The following STAG1 variants were observed in gnomAD, a reference collection of about 807,000 sequenced individuals.
STAG1 encodes the protein cohesin subunit SA-1.
STAG1 carries 26 observed loss-of-function variants against 170.9 expected under a neutral mutation model. That is an observed-to-expected ratio of 0.15 (90% CI 0.11 to 0.21). STAG1 has a LOEUF of 0.21. Among genes scored for constraint, STAG1 ranks in the 10% least tolerant of loss-of-function variants. STAG1 has a pLI of 1.00. For synonymous variants in STAG1, 514 were observed against 497.7 expected, an observed-to-expected ratio of 1.03 and a Z score of -0.44; for missense variants, 964 against 1,509.5, an observed-to-expected ratio of 0.64 and a Z score of 5.99.
intron 9 of STAG1, among the ~76,000 whole-genome samples, chr3:136,495,784 C>A (rs1318205571): frequency 6.6e-6 from 1 of 151,050 alleles, no homozygotes; most frequent in Admixed American, 6.6e-5. Flanking sequence ...CTGGATAACA[C>A]GGTGAAACCC....
intron 22 of STAG1, among the ~76,000 whole-genome samples, chr3:136,393,768 G>A (rs1044936430): frequency 4.0e-5 from 6 of 151,896 alleles, no homozygotes; most frequent in African/African-American, 7.3e-5. Flanking sequence ...GCTAATTTTT[G>A]TATTTTTAGT....
intron 15 of STAG1, among the ~76,000 whole-genome samples, chr3:136,442,542 G>C (rs2088662100): frequency 6.6e-6 from 1 of 152,010 alleles, no homozygotes; most frequent in African/African-American, 2.4e-5. Flanking sequence ...TGAGTAGCTA[G>C]GTAAATGACT....
intron 1 of STAG1, among the ~76,000 whole-genome samples, chr3:136,675,392 C>G (rs973120966): frequency 6.6e-6 from 1 of 152,126 alleles, no homozygotes; most frequent in African/African-American, 2.4e-5. Flanking sequence ...GATACCACCA[C>G]GCCAGTGAAT....
At chr3:136,544,975 G>A (rs560139144) in intron 5 of STAG1, among the ~76,000 whole-genome samples, 1 of 152,228 alleles carries the variant, frequency 6.6e-6, no homozygotes, top group Non-Finnish European at 1.5e-5. Context: ...TAAATAAAAT[G>A]TAATCTAGTT....
chr3:136,604,244 T>G (rs969245105), intron 4 of STAG1, 65 bp downstream of exon 4: 4 of 1,466,324 alleles, frequency 2.7e-6, no homozygotes, highest in Middle Eastern at 1.8e-4. Flanking sequence ...ATATACACAC[T>G]AACTGATTCC....
At chr3:136,431,413 C>T (rs1489082205) in intron 16 of STAG1, among the ~76,000 whole-genome samples, 1 of 152,022 alleles carries the variant, frequency 6.6e-6, no homozygotes, top group African/African-American at 2.4e-5. Flanking sequence ...GCTGGGACTA[C>T]AAGCGTATGC....
intron 1 of STAG1, among the ~76,000 whole-genome samples, chr3:136,694,384 G>A (rs145843405): frequency 1.7e-3 from 253 of 152,150 alleles, no homozygotes; most frequent in African/African-American, 6.0e-3. Flanking sequence ...GGAAGGCTGA[G>A]GCAGAAGGAT....
At position 136,467,912 on chromosome 3, in the gene STAG1, G is replaced by A. The variant is rs374885948; in HGVS notation, c.1206-2924C>T. Among the ~76,000 whole-genome samples the A allele has an allele frequency of 6.6e-5, 10 of 152,252 alleles. No individual in the cohort carries two copies. The South Asian group carries it at 1.5e-3, about 22-fold the overall frequency. ...AACAACCTGCTCCTGAATGACTAAT[G>A]GGTACATAACGAAATGAAGGCAGTA... On this transcript the variant is annotated intron_variant, in intron 12 of 33. Transcript: ENST00000383202.
intron 1 of STAG1, among the ~76,000 whole-genome samples, chr3:136,718,685 G>T (rs1459656161): frequency 6.6e-6 from 1 of 152,168 alleles, no homozygotes; most frequent in Non-Finnish European, 1.5e-5. Flanking sequence ...AGCACTTTGG[G>T]AGGCCAAGGT....
At position 136,478,678 on chromosome 3, in the gene STAG1, T is replaced by A. The variant is rs72989413; in HGVS notation, c.903-1266A>T. On this transcript the variant is annotated intron_variant, in intron 9 of 33. Coordinates refer to ENST00000383202, the MANE Select transcript of STAG1 (RefSeq NM_005862.3). ...TCCTTGCTCTAATAAGTCTCAGTTC[T>A]CTCTAGGCTCCTGTCATTGCTTAAG... Among the ~76,000 whole-genome samples the A allele has an allele frequency of 7.9e-3, 1,202 of 152,286 alleles. 13 individuals carry two copies. The highest frequency in any genetic ancestry group is 0.028 in the African/African-American group (1,149 of 41,566).
intron 29 of STAG1, among the ~76,000 whole-genome samples, 187 bp from the exon 30 acceptor site, chr3:136,344,193 A>G (rs937713209): frequency 4.6e-5 from 7 of 152,212 alleles, no homozygotes; most frequent in Non-Finnish European, 8.8e-5. Flanking sequence ...TCTCATACAT[A>G]CAATGGGGAT....
chr3:136,435,410 T>C (rs1040950020), intron 15 of STAG1, among the ~76,000 whole-genome samples: 1 of 152,186 alleles, frequency 6.6e-6, no homozygotes, highest in Non-Finnish European at 1.5e-5. Context: ...CCAGAGTCAG[T>C]TCTCTTAAGC....
intron 1 of STAG1, among the ~76,000 whole-genome samples, chr3:136,734,401 C>T (rs945149922): frequency 1.3e-5 from 2 of 152,154 alleles, no homozygotes; most frequent in African/African-American, 4.8e-5. Context: ...AAACTACCAC[C>T]TGGACCTTTA....
chr3:136,555,701 ATCAG>A (rs777714326), intron 5 of STAG1, among the ~76,000 whole-genome samples: 197 of 151,722 alleles, frequency 1.3e-3, no homozygotes, highest in African/African-American at 2.9e-3. Context: ...CAATCAATCA[ATCAG>A]TCAATCAATC....
At chr3:136,420,855 A>G (rs1387385026) in intron 20 of STAG1, among the ~76,000 whole-genome samples, 1 of 151,714 alleles carries the variant, frequency 6.6e-6, no homozygotes, top group East Asian at 1.9e-4. Context: ...GCTCACGACA[A>G]CCCCCACCTC....
intron 9 of STAG1, among the ~76,000 whole-genome samples, chr3:136,479,314 G>A (rs1207966024): frequency 7.7e-6 from 1 of 130,122 alleles, no homozygotes; most frequent in African/African-American, 2.8e-5. Context: ...ACCTATGAGT[G>A]AGAATATGCG....
chr3:136,377,779 C>A (rs773410567), intron 22 of STAG1, 27 bp from the exon 23 acceptor site: 1 of 1,580,894 alleles, frequency 6.3e-7, no homozygotes, highest in Non-Finnish European at 8.7e-7. Context: ...AATTTGCAAG[C>A]GTGAATTACA....
intron 25 of STAG1, among the ~76,000 whole-genome samples, chr3:136,365,817 G>C (rs1163032910): frequency 6.6e-6 from 1 of 152,014 alleles, no homozygotes; most frequent in East Asian, 1.9e-4. Flanking sequence ...CAGTCTATTT[G>C]GGTATCAATA....
In STAG1 at chr3:136,602,999, ACCT is replaced by A. The variant is rs575806288; in HGVS notation, c.297+1307_297+1309del. ...CCATTTAGCATCATCCCACTAATCC[ACCT>A]CCTTCCCTGCCCACACAAATTCCAG... On this transcript the variant is annotated intron_variant, in intron 4 of 33. Coordinates refer to ENST00000383202, the MANE Select transcript of STAG1 (RefSeq NM_005862.3). Among the ~76,000 whole-genome samples, 207 of 152,062 alleles carry A rather than the reference ACCT, an allele frequency of 1.4e-3. 1 individual carries two copies. The highest frequency in any genetic ancestry group is 4.7e-3 in the African/African-American group (193 of 41,492).
Sources: allele counts gnomAD v4.1 joint callset (sites outside exome capture counted in the v4.1 genomes callset), GRCh38; gene constraint gnomAD v4.1.1; transcripts MANE v1.5; gene names NCBI Gene and HGNC (gene_info 2026-07-23, HGNC 2026-07-21).